RAB27A: variants seen among roughly 807,000 people sequenced by gnomAD.
RAB27A encodes the protein ras-related protein Rab-27A.
A neutral mutation model predicts 20.8 loss-of-function variants in RAB27A; 17 were observed. That is an observed-to-expected ratio of 0.82 (90% CI 0.56 to 1.23). The LOEUF (loss-of-function observed/expected upper bound fraction) is 1.23. Ranked by LOEUF, RAB27A falls within the 50% of genes most tolerant of loss-of-function variation. RAB27A has a pLI of 0.00. For synonymous variants in RAB27A, 85 were observed against 92.8 expected, an observed-to-expected ratio of 0.92 and a Z score of 0.48; for missense variants, 277 against 266.7, an observed-to-expected ratio of 1.04 and a Z score of -0.27.
At chr15:55,233,991 T>C (rs1285168455) in intron 3 of RAB27A, among the ~76,000 whole-genome samples, 1 of 152,294 alleles carries the variant, frequency 6.6e-6, no homozygotes, top group East Asian at 1.9e-4. Flanking sequence ...AATACTAGAA[T>C]GGGCAAAAGG....
intron 2 of RAB27A, among the ~76,000 whole-genome samples, chr15:55,297,076 G>A (rs539447167): frequency 1.1e-4 from 16 of 152,264 alleles, no homozygotes; most frequent in African/African-American, 3.6e-4. Flanking sequence ...GAGGGTAAAG[G>A]GAAGCCTTTA....
chr15:55,274,564 G>A (rs891419058), intron 1 of RAB27A, among the ~76,000 whole-genome samples: 2 of 151,506 alleles, frequency 1.3e-5, no homozygotes, highest in African/African-American at 4.9e-5. Flanking sequence ...TATAACCTGA[G>A]GTCAGGAGTT....
chr15:55,288,084 A>T (rs1566937161), intron 1 of RAB27A, among the ~76,000 whole-genome samples: 1 of 152,228 alleles, frequency 6.6e-6, no homozygotes, highest in African/African-American at 2.4e-5. Flanking sequence ...CACCATATTT[A>T]AAAATTAACT....
In RAB27A at chr15:55,306,008, C is replaced by G. The variant is rs73415507; in HGVS notation, c.-112+8031G>C. Among the ~76,000 whole-genome samples the G allele has an allele frequency of 7.9e-3, 1,200 of 151,568 alleles. 16 individuals carry two copies. The highest frequency in any genetic ancestry group is 0.028 in the African/African-American group (1,152 of 41,268). On this transcript the variant is annotated intron_variant, in intron 2 of 5. Transcript: ENST00000563262. ...TCAGTGTAGATGGTCATGGGGGGCA[C>G]TAAGAATGACAGGAAGCACATAGAT...
chr15:55,268,820 C>A, intron 2 of RAB27A, among the ~76,000 whole-genome samples: 1 of 152,140 alleles, frequency 6.6e-6, no homozygotes, highest in Admixed American at 6.5e-5. Flanking sequence ...TTGTGTCCCC[C>A]TAAAATTCAC....
intron 2 of RAB27A, among the ~76,000 whole-genome samples, chr15:55,298,650 T>G (rs1184699071): frequency 6.6e-6 from 1 of 152,108 alleles, no homozygotes; most frequent in Non-Finnish European, 1.5e-5. Context: ...TGACCAAAAT[T>G]ATTAGGCGGG....
chr15:55,308,729 AAT>A (rs1179811400), intron 2 of RAB27A, among the ~76,000 whole-genome samples: 2 of 152,358 alleles, frequency 1.3e-5, no homozygotes, highest in African/African-American at 2.4e-5. Flanking sequence ...CCCTTCAAGT[AAT>A]AGAGCCTGAT....
rs1162706734 is a variant in RAB27A, at chr15:55,215,945, C to CAAAAAA, written c.467+7938_467+7943dup. On this transcript the variant is annotated intron_variant, in intron 6 of 6. Coordinates refer to ENST00000336787, the MANE Select transcript of RAB27A (RefSeq NM_183235.3). Reference sequence around the variant, plus strand: ...TGGGCAACAGAGGGAGACGCCGTCTCAAAAAAAAAAAAAAAAAAAAAAAGA... The same window carrying CAAAAAA: ...TGGGCAACAGAGGGAGACGCCGTCTCAAAAAAAAAAAAAAAAAAAAAAAAAAAAAGA... 2.1e-3 allele frequency among the ~76,000 whole-genome samples: 109 copies of CAAAAAA among 52,786 alleles called. 2 individuals are homozygous for CAAAAAA. The highest frequency in any genetic ancestry group is 3.9e-3 in the Admixed American group (17 of 4,388). The allele number at this position is 52,786 out of a possible 152,430, so 34.6% of individuals were successfully genotyped here.
chr15:55,234,918 T>C lies in RAB27A; in HGVS notation c.17A>G (p.Tyr6Cys), dbSNP rs145253993. The C allele has an allele frequency of 7.9e-5, 128 of 1,612,396 alleles. No individual in the cohort carries two copies. Among genetic ancestry groups the C allele is most frequent in the Middle Eastern group, 3.3e-4 (2 of 6,066 alleles). The stretch of plus-strand genomic sequence containing the variant: ...AGCTAAAAACTTGATGAGGTAATCA[T>C]AATCTCCATCAGACATAATGAAGAA... MSDGD[Y>C]DYLIKFLALG... is the part of the protein sequence containing the mutation. The change falls in exon 3 of 7, where the codon TAT (tyrosine) becomes TGT (cysteine). Residue 6 changes from tyrosine to cysteine, a missense_variant. Physicochemically the swap from Tyr to Cys is radical, Grantham distance 194 (BLOSUM62 -2). Coordinates refer to ENST00000336787, the MANE Select transcript of RAB27A (RefSeq NM_183235.3).
At chr15:55,259,500 T>G (rs570760973) in intron 2 of RAB27A, among the ~76,000 whole-genome samples, 3 of 151,448 alleles carry the variant, frequency 2.0e-5, no homozygotes, top group South Asian at 2.1e-4. Context: ...TTGCCCAAGC[T>G]AGTCTTGAAC....
chr15:55,265,578 T>A (rs1261207199), intron 2 of RAB27A, among the ~76,000 whole-genome samples: 1 of 150,494 alleles, frequency 6.6e-6, no homozygotes, highest in African/African-American at 2.5e-5. Context: ...TTGATGCCAA[T>A]CCAAAACATG....
intron 2 of RAB27A, among the ~76,000 whole-genome samples, chr15:55,302,712 G>A (rs1370433551): frequency 8.6e-6 from 1 of 116,252 alleles, no homozygotes; most frequent in African/African-American, 4.4e-5. Context: ...TGTGGGGAGC[G>A]CCTCTGCCCC....
chr15:55,305,793 C>T (rs2054994127), intron 2 of RAB27A, among the ~76,000 whole-genome samples: 1 of 152,118 alleles, frequency 6.6e-6, no homozygotes. Context: ...GCTCGGTGAC[C>T]AGGGAATCGG....
intron 2 of RAB27A, among the ~76,000 whole-genome samples, chr15:55,305,163 G>A (rs2054991697): frequency 6.6e-6 from 1 of 152,182 alleles, no homozygotes. Context: ...GCTAGGCTTA[G>A]GGATGCTTAG....
chr15:55,292,132 C>G (rs973391420), upstream of RAB27A, among the ~76,000 whole-genome samples: 2 of 152,176 alleles, frequency 1.3e-5, no homozygotes, highest in African/African-American at 4.8e-5. Context: ...GGAGAAATAA[C>G]AGAGGCTGTG....
intron 2 of RAB27A, among the ~76,000 whole-genome samples, chr15:55,246,351 G>A (rs16976218): frequency 0.16 from 24,286 of 151,918 alleles, 2,867 homozygotes; most frequent in African/African-American, 0.31. Context: ...AACAAGAGGC[G>A]TTGAAATGAT....
intron 5 of RAB27A, among the ~76,000 whole-genome samples, chr15:55,226,185 G>A (rs555865833): frequency 6.6e-6 from 1 of 152,250 alleles, no homozygotes; most frequent in Non-Finnish European, 1.5e-5. Flanking sequence ...GTGACTCTGG[G>A]CATGACGTGC....
At chr15:55,290,185 G>A (rs990216472), upstream of RAB27A, 1 of 152,244 alleles carries the variant, frequency 6.6e-6, no homozygotes, top group African/African-American at 2.4e-5. Context: ...ATGTTCTAAG[G>A]GTGTTTTCCA....
At chr15:55,316,305 A>G (rs1309253388) in intron 1 of RAB27A, among the ~76,000 whole-genome samples, 5 of 151,880 alleles carry the variant, frequency 3.3e-5, no homozygotes, top group African/African-American at 1.2e-4. Context: ...CATCATTCTC[A>G]GCAAACTAAC....
Sources: gnomAD v4.1 joint callset for allele counts (sites outside exome capture counted in the v4.1 genomes callset) on GRCh38, gnomAD v4.1.1 for gene constraint, MANE v1.5 for transcripts, NCBI Gene and HGNC (gene_info 2026-07-23, HGNC 2026-07-21) for gene names.